ZNF804B: variants seen among roughly 807,000 people sequenced by gnomAD.
The protein encoded by ZNF804B is zinc finger protein 804B, also known as zinc finger 804B.
In ZNF804B, 80 loss-of-function variants were observed where a neutral mutation model predicts 101.4. The observed-to-expected ratio is 0.79, with a 90% confidence interval of 0.66 to 0.95. The LOEUF is 0.95. Among genes scored for constraint, ZNF804B ranks in the 40% least tolerant of loss-of-function variants. ZNF804B has a pLI of 0.00. For missense variants in ZNF804B, 1,673 were observed against 1,561.9 expected (o/e 1.07, Z -1.20); for synonymous variants, 622 against 558.8 (o/e 1.11, Z -1.59).
At chr7:89,214,675 G>C (rs562575962) in intron 1 of ZNF804B, among the ~76,000 whole-genome samples, 1 of 152,104 alleles carries the variant, frequency 6.6e-6, no homozygotes, top group Non-Finnish European at 1.5e-5. Context: ...GTCTGATCTA[G>C]GTAACCCTTA....
At chr7:88,764,185 T>A (rs1256018287) in intron 1 of ZNF804B, among the ~76,000 whole-genome samples, 1 of 152,176 alleles carries the variant, frequency 6.6e-6, no homozygotes, top group African/African-American at 2.4e-5. Context: ...AGTGAGACTA[T>A]CATTCGGGAT....
At chr7:88,887,751 A>T (rs1583998537) in intron 1 of ZNF804B, among the ~76,000 whole-genome samples, 1 of 77,322 alleles carries the variant, frequency 1.3e-5, no homozygotes, top group African/African-American at 6.7e-5. Context: ...AGTTCATTGT[A>T]AAAAAAAAAA....
intron 1 of ZNF804B, among the ~76,000 whole-genome samples, chr7:88,863,471 G>A (rs1791680299): frequency 6.6e-6 from 1 of 152,078 alleles, no homozygotes; most frequent in Non-Finnish European, 1.5e-5. Flanking sequence ...ATGGTCTTAT[G>A]TCCATGTCCA....
chr7:88,853,955 T>G (rs1791486143), intron 1 of ZNF804B, among the ~76,000 whole-genome samples: 1 of 152,120 alleles, frequency 6.6e-6, no homozygotes, highest in Non-Finnish European at 1.5e-5. Flanking sequence ...AAAATTAGAT[T>G]TAGCACATTG....
intron 1 of ZNF804B, among the ~76,000 whole-genome samples, chr7:88,859,862 A>T (rs376363908): frequency 6.6e-6 from 1 of 151,958 alleles, no homozygotes; most frequent in South Asian, 2.1e-4. Flanking sequence ...AGTCAAAAGG[A>T]TAATTCCTGA....
At chr7:89,228,917 G>A (rs979396857) in intron 2 of ZNF804B, among the ~76,000 whole-genome samples, 6 of 152,194 alleles carry the variant, frequency 3.9e-5, no homozygotes, top group Non-Finnish European at 7.4e-5. Context: ...CCTGCCCCGC[G>A]GGAAGGCAGC....
At chr7:88,982,427 CAG>C (rs572295102) in intron 1 of ZNF804B, among the ~76,000 whole-genome samples, 18 of 152,158 alleles carry the variant, frequency 1.2e-4, no homozygotes, top group Middle Eastern at 3.4e-3. Context: ...GCTTAACTAA[CAG>C]AAATTTATTT....
chr7:88,803,763 G>T (rs1435549845), intron 1 of ZNF804B, among the ~76,000 whole-genome samples: 1 of 152,108 alleles, frequency 6.6e-6, no homozygotes, highest in Admixed American at 6.6e-5. Flanking sequence ...TGAATCTGAA[G>T]ATCTGAGGAA....
intron 1 of ZNF804B, among the ~76,000 whole-genome samples, chr7:89,187,009 T>C (rs955841816): frequency 6.6e-6 from 1 of 152,204 alleles, no homozygotes; most frequent in Non-Finnish European, 1.5e-5. Context: ...ATATCTGATA[T>C]ATTCTGTCAA....
At chr7:89,260,209 T>C (rs1443582553) in intron 2 of ZNF804B, among the ~76,000 whole-genome samples, 1 of 152,206 alleles carries the variant, frequency 6.6e-6, no homozygotes, top group Admixed American at 6.5e-5. Flanking sequence ...GTTCTGGGGT[T>C]AGCAGCTTTA....
chr7:89,067,427 A>C (rs1490280178), intron 1 of ZNF804B, among the ~76,000 whole-genome samples: 2 of 151,960 alleles, frequency 1.3e-5, no homozygotes, highest in African/African-American at 4.8e-5. Context: ...ATATGTACAA[A>C]CTCCTTAACA....
intron 2 of ZNF804B, among the ~76,000 whole-genome samples, chr7:89,272,880 A>G (rs1055947091): frequency 2.0e-5 from 3 of 152,028 alleles, no homozygotes; most frequent in Admixed American, 6.6e-5. Context: ...CTGTCTACCT[A>G]TTCCCCAGCT....
chr7:88,838,597 A>G (rs1288422737), intron 1 of ZNF804B, among the ~76,000 whole-genome samples: 1 of 151,984 alleles, frequency 6.6e-6, no homozygotes, highest in Non-Finnish European at 1.5e-5. Context: ...AACATACTAA[A>G]TATCTTTTAT....
At chr7:89,263,236 C>T (rs563144145) in intron 2 of ZNF804B, among the ~76,000 whole-genome samples, 1 of 152,282 alleles carries the variant, frequency 6.6e-6, no homozygotes, top group South Asian at 2.1e-4. Context: ...CTGACTACTC[C>T]AGCTGTGAGA....
intron 1 of ZNF804B, among the ~76,000 whole-genome samples, chr7:88,893,278 G>A (rs1792239061): frequency 6.6e-6 from 1 of 151,898 alleles, no homozygotes; most frequent in African/African-American, 2.4e-5. Context: ...TATTTAAAAA[G>A]GCATTTCAAA....
intron 2 of ZNF804B, among the ~76,000 whole-genome samples, chr7:89,249,208 G>C (rs1336889317): frequency 3.9e-5 from 6 of 152,062 alleles, no homozygotes; most frequent in Admixed American, 3.9e-4. Context: ...TGGGGGACTT[G>C]AACACTCCGC....
chr7:89,205,923 C>T (rs1788707952), intron 1 of ZNF804B, among the ~76,000 whole-genome samples: 1 of 152,230 alleles, frequency 6.6e-6, no homozygotes, highest in Non-Finnish European at 1.5e-5. Flanking sequence ...ACCCCTGCAG[C>T]AAACTTCTAC....
intron 1 of ZNF804B, among the ~76,000 whole-genome samples, chr7:88,950,253 G>A (rs1793197812): frequency 6.6e-6 from 1 of 151,738 alleles, no homozygotes; most frequent in South Asian, 2.1e-4. Flanking sequence ...TATCTAAATT[G>A]TTTATCAGTT....
At chr7:88,790,379 A>G (rs1790363613) in intron 1 of ZNF804B, among the ~76,000 whole-genome samples, 1 of 151,956 alleles carries the variant, frequency 6.6e-6, no homozygotes, top group Admixed American at 6.6e-5. Flanking sequence ...TCCCTTAGGT[A>G]TCAAGCCCCA....
Sources: gnomAD v4.1 joint callset for allele counts (sites outside exome capture counted in the v4.1 genomes callset) on GRCh38, gnomAD v4.1.1 for gene constraint, MANE v1.5 for transcripts, NCBI Gene and HGNC (gene_info 2026-07-23, HGNC 2026-07-21) for gene names.